KCNC1: variants seen among roughly 807,000 people sequenced by gnomAD.
KCNC1 encodes the protein voltage-gated potassium channel KCNC1.
A neutral mutation model predicts 43.4 loss-of-function variants in KCNC1; 8 were observed. That is an observed-to-expected ratio of 0.18 (90% CI 0.11 to 0.33). The LOEUF is 0.33. KCNC1 is among the 10% of genes least tolerant of loss of function. KCNC1 has a pLI of 1.00. For missense variants in KCNC1, 420 were observed against 836.0 expected (o/e 0.50, Z 6.14); for synonymous variants, 361 against 360.5 (o/e 1.00, Z -0.01).
rs547756481 is a variant in KCNC1 at position 17,781,912 on chromosome 11, G to A, written c.*178G>A. On this transcript the variant is annotated 3_prime_UTR_variant, in exon 4 of 4. Coordinates refer to ENST00000265969, the MANE Select transcript of KCNC1 (RefSeq NM_001112741.2). The surrounding 1 kb of genome is among the most constrained non-coding windows in gnomAD (Gnocchi z 5.1). ...TTCTACGGCCAAATGGTAACTGACCGTAGAGGATTTCTTTTCCTTCTTTTC... is the reference window on the plus strand; with the variant it reads ...TTCTACGGCCAAATGGTAACTGACCATAGAGGATTTCTTTTCCTTCTTTTC... The A allele has an allele frequency of 2.4e-5, 11 of 454,332 alleles. No individual in the cohort carries two copies. The highest frequency in any genetic ancestry group is 8.2e-5 in the Admixed American group (2 of 24,430). The allele number at this position is 454,332 out of a possible 1,614,324, so 28.1% of individuals were successfully genotyped here.
At chr11:17,766,583 G>C (rs1849153195) in intron 1 of KCNC1, among the ~76,000 whole-genome samples, 1 of 152,156 alleles carries the variant, frequency 6.6e-6, no homozygotes, top group African/African-American at 2.4e-5. Flanking sequence ...CAGGGGCAGT[G>C]TCCCCACCCA....
In KCNC1 at chr11:17,739,117, G is replaced by A. The variant is rs539478127; in HGVS notation, c.570+2545G>A. Among the ~76,000 whole-genome samples the A allele has an allele frequency of 6.6e-5, 10 of 151,820 alleles. No individual in the cohort carries two copies. Among genetic ancestry groups the A allele is most frequent in the Admixed American group, 2.0e-4 (3 of 15,260 alleles). ...CGCCTGCCCGCCCTCCTCCCCCTCT[G>A]TCTTTGCTCTGCCGCCTCTGCTGTC... On this transcript the variant is annotated intron_variant, in intron 1 of 3. Coordinates refer to ENST00000265969, the MANE Select transcript of KCNC1 (RefSeq NM_001112741.2). This position sits in a 1 kb window ranked among gnomAD's most constrained non-coding sequence, Gnocchi z 4.2.
intron 1 of KCNC1, among the ~76,000 whole-genome samples, chr11:17,744,757 G>A (rs1848878816): frequency 4.6e-5 from 7 of 152,116 alleles, no homozygotes; most frequent in Admixed American, 3.9e-4. Context: ...CCAGGGCTGG[G>A]TAGGGGTGTT....
rs539384955 is a variant in KCNC1, at chr11:17,750,573, C to T, written c.570+14001C>T. 3.3e-5 allele frequency among the ~76,000 whole-genome samples: 5 copies of T among 152,284 alleles called. No individual in the cohort carries two copies. In the East Asian group the frequency reaches 7.7e-4, roughly 24 times the overall value. On this transcript the variant is annotated intron_variant, in intron 1 of 3. Transcript: ENST00000265969. ...GTTTGTGCTGGCTTACTGACACTTT[C>T]CATGTCCCCAGCCCTTTCCAAAGCC...
rs1303917118 is a variant in KCNC1, at chr11:17,777,745, G to T, written c.1505-1711G>T. 2.0e-6 allele frequency: 2 copies of T among 986,158 alleles called. No individual in the cohort carries two copies. Among genetic ancestry groups the T allele is most frequent in the South Asian group, 4.7e-5 (1 of 21,288 alleles). 61.1% of individuals were successfully genotyped at this position (986,158 alleles called of 1,614,324 possible). On this transcript the variant is annotated intron_variant, in intron 2 of 3. Transcript: ENST00000265969. The surrounding 1 kb of genome is among the most constrained non-coding windows in gnomAD (Gnocchi z 4.3). ...AAATGCTTTGCCATCTTGTACGAAAGACTTTTTTTTTAAGTTCCAAAATTA... is the reference window on the plus strand; with the variant it reads ...AAATGCTTTGCCATCTTGTACGAAATACTTTTTTTTTAAGTTCCAAAATTA...
chr11:17,775,837 G>A (rs1849279917), intron 2 of KCNC1: 43 of 985,462 alleles, frequency 4.4e-5, no homozygotes, highest in Non-Finnish European at 4.9e-5. Flanking sequence ...TGAGGTCTCA[G>A]AGAAGCCCCC....
intron 2 of KCNC1, among the ~76,000 whole-genome samples, chr11:17,778,968 C>G (rs1468994424): frequency 6.6e-6 from 1 of 151,922 alleles, no homozygotes; most frequent in Non-Finnish European, 1.5e-5. Context: ...TAGGGAAGCC[C>G]GAGCAACTGG....
chr11:17,782,666 G>C lies in KCNC1; in HGVS notation c.*932G>C, dbSNP rs1308618155. 6.6e-6 allele frequency: 1 copy of C among 152,198 alleles called. No homozygotes were observed. The highest frequency in any genetic ancestry group is 1.9e-4 in the East Asian group (1 of 5,196). The allele number at this position is 152,198 out of a possible 1,614,324, so 9.4% of individuals were successfully genotyped here. ...ATTGTATGCAATTTAGTACTTCAGA[G>C]TAAAAACCTGCATGCCCAATGTTAT... is the stretch of plus-strand genomic sequence containing the variant. On this transcript the variant is annotated 3_prime_UTR_variant, in exon 4 of 4. Transcript: ENST00000265969.
Position 17,777,159 on chromosome 11 carries a change from G to A in KCNC1, c.1505-2297G>A. 1.0e-6 allele frequency: 1 copy of A among 984,730 alleles called. No individual in the cohort carries two copies. The highest frequency in any genetic ancestry group is 1.2e-6 in the Non-Finnish European group (1 of 829,652). 61.0% of individuals were successfully genotyped at this position (984,730 alleles called of 1,614,324 possible). A position where few individuals can be genotyped will look rare whatever the true frequency, so the allele number is the denominator to read the frequency against. Reference sequence around the variant, plus strand: ...GAGCCCCCAGGGCCTGGGGGCTTGTGGACAGAACCAGTGGGCGGGGGCCCA... The same window carrying A: ...GAGCCCCCAGGGCCTGGGGGCTTGTAGACAGAACCAGTGGGCGGGGGCCCA... On this transcript the variant is annotated intron_variant, in intron 2 of 3. Coordinates refer to ENST00000265969, the MANE Select transcript of KCNC1 (RefSeq NM_001112741.2). This position sits in a 1 kb window ranked among gnomAD's most constrained non-coding sequence, Gnocchi z 4.3.
At chr11:17,764,638 C>A (rs1849127516) in intron 1 of KCNC1, among the ~76,000 whole-genome samples, 1 of 152,228 alleles carries the variant, frequency 6.6e-6, no homozygotes, top group Non-Finnish European at 1.5e-5. Context: ...GGGAGCTCCT[C>A]CCGCCCACTG....
chr11:17,771,798 A>G lies in KCNC1; in HGVS notation c.704A>G (p.Tyr235Cys). ...GTTCGCAATGGCACGCAAGTGCGCTACTACCGGGAGGCCGAGACGGAGGCC... is the reference window on the plus strand; with the variant it reads ...GTTCGCAATGGCACGCAAGTGCGCTGCTACCGGGAGGCCGAGACGGAGGCC... ...ENVRNGTQVR[Y>C]YREAETEAFL... The change falls in exon 2 of 4, where the codon TAC becomes TGC. Residue 235 changes from tyrosine (Y) to cysteine (C), a missense_variant. By Grantham distance (194) the Tyr-to-Cys change is radical. Coordinates refer to ENST00000265969, the MANE Select transcript of KCNC1 (RefSeq NM_001112741.2). The surrounding 1 kb of genome is among the most constrained non-coding windows in gnomAD (Gnocchi z 4.7). 3.1e-6 allele frequency: 5 copies of G among 1,614,228 alleles called. No homozygotes were observed. Among genetic ancestry groups the G allele is most frequent in the Non-Finnish European group, 4.2e-6 (5 of 1,180,018 alleles).
rs1427116080 is a variant in KCNC1, at chr11:17,735,846, C to T, written c.-157C>T. On this transcript the variant is annotated 5_prime_UTR_variant, in exon 1 of 4. Coordinates refer to ENST00000265969, the MANE Select transcript of KCNC1 (RefSeq NM_001112741.2). The surrounding 1 kb of genome is among the most constrained non-coding windows in gnomAD (Gnocchi z 6.7). ...ACAAAGCGCCCGGAGAGGCTTGGCT[C>T]GCTCGTTGGGGTGGCCAGAGCCGCA... 1.2e-5 allele frequency: 10 copies of T among 815,224 alleles called. No individual in the cohort carries two copies. The South Asian group carries it at 1.7e-4, about 14-fold the overall frequency. The allele number at this position is 815,224 out of a possible 1,614,324, so 50.5% of individuals were successfully genotyped here. A position where few individuals can be genotyped will look rare whatever the true frequency, so the allele number is the denominator to read the frequency against.
intron 2 of KCNC1, chr11:17,774,960 G>C (rs1215887484): frequency 5.1e-6 from 5 of 985,290 alleles, no homozygotes. Context: ...AAGAGGAGTT[G>C]CGGTCTTTAG....
chr11:17,751,753 G>A (rs1848970825), intron 1 of KCNC1, among the ~76,000 whole-genome samples: 1 of 152,226 alleles, frequency 6.6e-6, no homozygotes, highest in South Asian at 2.1e-4. Context: ...CTCAGGACCT[G>A]TGGTTTTCCA....
chr11:17,735,807 T>TG lies in KCNC1; in HGVS notation c.-194dup. ...CCCTGGGATCCCGCGCACATTCCCC[T>TG]GGACCGGCACCCGACAAAGCGCCCG... On this transcript the variant is annotated 5_prime_UTR_variant, in exon 1 of 4. Transcript: ENST00000265969. The surrounding 1 kb of genome is among the most constrained non-coding windows in gnomAD (Gnocchi z 6.7). 1 of 539,950 alleles carries TG rather than the reference T, an allele frequency of 1.9e-6. No individual in the cohort carries two copies. Among genetic ancestry groups the TG allele is most frequent in the Non-Finnish European group, 3.0e-6 (1 of 329,000 alleles). The allele number at this position is 539,950 out of a possible 1,614,324, so 33.4% of individuals were successfully genotyped here. A position where few individuals can be genotyped will look rare whatever the true frequency, so the allele number is the denominator to read the frequency against.
At position 17,736,440 on chromosome 11, in the gene KCNC1, G is replaced by A. The variant is rs1848767127; in HGVS notation, c.438G>A (p.Glu146=). 6.2e-7 allele frequency: 1 copy of A among 1,605,436 alleles called. No homozygotes were observed. The highest frequency in any genetic ancestry group is 2.2e-5 in the East Asian group (1 of 44,686). Residue 146 remains glutamate (E), a synonymous_variant, in exon 1 of 4, where the codon GAG becomes GAA. Coordinates refer to ENST00000265969, the MANE Select transcript of KCNC1 (RefSeq NM_001112741.2). This position sits in a 1 kb window ranked among gnomAD's most constrained non-coding sequence, Gnocchi z 9.3. The part of the protein sequence containing the change: ...ADGPGDSGDG[E]DELEMTKRLA... ...GCCCTGGCGACTCGGGCGACGGCGAGGACGAGCTGGAGATGACCAAGCGCC... is the reference window on the plus strand; with the variant it reads ...GCCCTGGCGACTCGGGCGACGGCGAAGACGAGCTGGAGATGACCAAGCGCC...
chr11:17,768,620 G>GA (rs1590105179), intron 1 of KCNC1, among the ~76,000 whole-genome samples: 1 of 151,892 alleles, frequency 6.6e-6, no homozygotes, highest in Admixed American at 6.6e-5. Flanking sequence ...GGTGGGGGGG[G>GA]GGGCGGTTTG....
chr11:17,775,651 G>A lies in KCNC1; in HGVS notation c.1504+3053G>A, dbSNP rs544494234. 1.8e-4 allele frequency: 173 copies of A among 985,644 alleles called. 1 individual carries two copies. The South Asian group carries it at 3.0e-3, about 17-fold the overall frequency. 61.1% of individuals were successfully genotyped at this position (985,644 alleles called of 1,614,324 possible). On this transcript the variant is annotated intron_variant, in intron 2 of 3. Transcript: ENST00000265969. ...CTGGACAGCCCACAATGCCTCCTCCGTCCTGCCATGCCCATTCGCATGTGT... is the reference window on the plus strand; with the variant it reads ...CTGGACAGCCCACAATGCCTCCTCCATCCTGCCATGCCCATTCGCATGTGT...
chr11:17,777,538 T>A lies in KCNC1; in HGVS notation c.1505-1918T>A, dbSNP rs1353773458. The A allele has an allele frequency of 1.8e-5, 18 of 985,522 alleles. No homozygotes were observed. Among genetic ancestry groups the A allele is most frequent in the Non-Finnish European group, 2.0e-5 (17 of 829,938 alleles). The allele number at this position is 985,522 out of a possible 1,614,324, so 61.0% of individuals were successfully genotyped here. On this transcript the variant is annotated intron_variant, in intron 2 of 3. Coordinates refer to ENST00000265969, the MANE Select transcript of KCNC1 (RefSeq NM_001112741.2). The surrounding 1 kb of genome is among the most constrained non-coding windows in gnomAD (Gnocchi z 4.3). ...GGATGGAAGACTGGGCCAGCCAGAG[T>A]GGGAGGCAGGACCAGCGTGTCTGCG...
Sources: allele counts gnomAD v4.1 joint callset (sites outside exome capture counted in the v4.1 genomes callset), GRCh38; gene constraint gnomAD v4.1.1; non-coding constraint Gnocchi (gnomAD v3.1); transcripts MANE v1.5; gene names NCBI Gene and HGNC (gene_info 2026-07-23, HGNC 2026-07-21).